Variants in COL25A1 observed in about 807,000 individuals in gnomAD.
COL25A1 encodes collagen alpha-1(XXV) chain.
A neutral mutation model predicts 128.4 loss-of-function variants in COL25A1; 103 were observed. That is an observed-to-expected ratio of 0.80 (90% CI 0.68 to 0.94). The LOEUF (loss-of-function observed/expected upper bound fraction) is 0.94, where lower values mean the gene tolerates loss of function less well. Ranked by LOEUF, COL25A1 falls within the 40% of genes least tolerant of loss-of-function variation. The pLI, the probability that COL25A1 is intolerant of heterozygous loss-of-function variation, is 0.00. For missense variants in COL25A1, 745 were observed against 840.0 expected (o/e 0.89, Z 1.40); for synonymous variants, 279 against 277.2 (o/e 1.01, Z -0.06).
At chr4:108,885,425 G>A (rs1740661980) in intron 18 of COL25A1, among the ~76,000 whole-genome samples, 1 of 151,466 alleles carries the variant, frequency 6.6e-6, no homozygotes, top group Non-Finnish European at 1.5e-5. Flanking sequence ...GAATGCAAAA[G>A]AAAAACGATT....
intron 26 of COL25A1, among the ~76,000 whole-genome samples, chr4:108,849,148 A>AT (rs1408429551): frequency 6.6e-6 from 1 of 152,100 alleles, no homozygotes; most frequent in Non-Finnish European, 1.5e-5. Flanking sequence ...CAGTTAGTTA[A>AT]TTTTTTTCTC....
At position 108,822,043 on chromosome 4, in the gene COL25A1, A is replaced by ATTTTTTTTTTTTTTTTTTTTTTTTT. The variant is rs10567518; in HGVS notation, c.1845+2130_1845+2131insAAAAAAAAAAAAAAAAAAAAAAAAA. Among the ~76,000 whole-genome samples the ATTTTTTTTTTTTTTTTTTTTTTTTT allele has an allele frequency of 4.4e-5, 4 of 89,996 alleles. 2 individuals carry two copies. Among genetic ancestry groups the ATTTTTTTTTTTTTTTTTTTTTTTTT allele is most frequent in the Non-Finnish European group, 8.5e-5 (4 of 46,852 alleles). The allele number at this position is 89,996 out of a possible 152,430, so 59.0% of individuals were successfully genotyped here. A position where few individuals can be genotyped will look rare whatever the true frequency, so the allele number is the denominator to read the frequency against. ...AAACGTGAGTATCCTCCTAATGGTA[A>ATTTTTTTTTTTTTTTTTTTTTTTTT]TTTTTTTTTTTTTTTTTGGGACAGG... On this transcript the variant is annotated intron_variant, in intron 35 of 37. Transcript: ENST00000399132.
intron 6 of COL25A1, among the ~76,000 whole-genome samples, chr4:108,992,237 A>T (rs1424085534): frequency 6.6e-6 from 1 of 152,166 alleles, no homozygotes; most frequent in East Asian, 1.9e-4. Flanking sequence ...TCCAAAAGAG[A>T]GTTATGAGGC....
chr4:109,253,584 A>AT (rs773701024), intron 3 of COL25A1, among the ~76,000 whole-genome samples: 5 of 152,164 alleles, frequency 3.3e-5, no homozygotes, highest in Non-Finnish European at 7.3e-5. Context: ...GTTTAACCAA[A>AT]TATTTGGGTA....
At chr4:109,280,386 G>A (rs1448949064) in intron 3 of COL25A1, among the ~76,000 whole-genome samples, 1 of 152,042 alleles carries the variant, frequency 6.6e-6, no homozygotes, top group African/African-American at 2.4e-5. Flanking sequence ...CCAACTTTAC[G>A]GGAAACATAA....
At chr4:108,903,466 T>G (rs1743096349) in intron 13 of COL25A1, among the ~76,000 whole-genome samples, 1 of 152,036 alleles carries the variant, frequency 6.6e-6, no homozygotes, top group Non-Finnish European at 1.5e-5. Context: ...TCTATCAAAG[T>G]CAGGTGTGAC....
chr4:109,082,054 T>C lies in COL25A1; in HGVS notation c.368-31875A>G, dbSNP rs1016998045. On this transcript the variant is annotated intron_variant, in intron 3 of 37. Transcript: ENST00000399132. ...AGATTTGTCTTTTCTGTACATTTCA[T>C]ATAAATAGAATCATATACTATGTGG... Among the ~76,000 whole-genome samples the C allele has an allele frequency of 3.3e-5, 5 of 152,346 alleles. No homozygotes were observed. In the East Asian group the frequency reaches 7.7e-4, roughly 23 times the overall value.
At chr4:108,983,388 G>C (rs905783300) in intron 6 of COL25A1, among the ~76,000 whole-genome samples, 1 of 152,152 alleles carries the variant, frequency 6.6e-6, no homozygotes, top group African/African-American at 2.4e-5. Context: ...TGTATTCAGA[G>C]ATACGTTCAT....
intron 3 of COL25A1, among the ~76,000 whole-genome samples, chr4:109,251,639 C>A (rs577013107): frequency 6.6e-6 from 1 of 152,282 alleles, no homozygotes; most frequent in East Asian, 1.9e-4. Context: ...ACTTTCATTT[C>A]AATGGAATCA....
In COL25A1 at chr4:109,302,026, G is replaced by T. The variant is rs1318849957; in HGVS notation, c.-7C>A. 1 of 1,573,910 alleles carries T rather than the reference G, an allele frequency of 6.4e-7. No homozygotes were observed. Among genetic ancestry groups the T allele is most frequent in the Non-Finnish European group, 8.6e-7 (1 of 1,164,230 alleles). On this transcript the variant is annotated 5_prime_UTR_variant, in exon 2 of 38. Coordinates refer to ENST00000399132, the MANE Select transcript of COL25A1 (RefSeq NM_198721.4). Reference sequence around the variant, plus strand: ...CGTGCTTCTTCAGCAGCATCGTGGCGGGGTCGGCCGTCTCGGCTTCGCTTC... The same window carrying T: ...CGTGCTTCTTCAGCAGCATCGTGGCTGGGTCGGCCGTCTCGGCTTCGCTTC...
intron 8 of COL25A1, among the ~76,000 whole-genome samples, chr4:108,968,271 G>C (rs1751541716): frequency 6.6e-6 from 1 of 152,096 alleles, no homozygotes; most frequent in South Asian, 2.1e-4. Context: ...ACTTTCTCCT[G>C]CATTAAATCA....
Position 109,194,488 on chromosome 4 carries a change from T to C in COL25A1, c.367+106095A>G, listed in dbSNP as rs574979215. On this transcript the variant is annotated intron_variant, in intron 3 of 37. Transcript: ENST00000399132. ...CTTCCATGCCGAGAACTATTCTAGATCTTGGTACACCCTGATGAATAAAGC... is the reference window on the plus strand; with the variant it reads ...CTTCCATGCCGAGAACTATTCTAGACCTTGGTACACCCTGATGAATAAAGC... 2.3e-3 allele frequency among the ~76,000 whole-genome samples: 344 copies of C among 152,292 alleles called. 1 individual carries two copies. The highest frequency in any genetic ancestry group is 7.6e-3 in the African/African-American group (316 of 41,562).
chr4:109,152,322 C>T (rs1771583128), intron 3 of COL25A1, among the ~76,000 whole-genome samples: 1 of 152,156 alleles, frequency 6.6e-6, no homozygotes, highest in African/African-American at 2.4e-5. Context: ...TTACATTACA[C>T]AAACTCATTA....
chr4:109,227,000 T>C (rs1339946627), intron 3 of COL25A1, among the ~76,000 whole-genome samples: 1 of 152,190 alleles, frequency 6.6e-6, no homozygotes, highest in African/African-American at 2.4e-5. Context: ...CACCCAGCTA[T>C]ATAACTGCAG....
chr4:108,838,731 A>C (rs1734087712), intron 31 of COL25A1, among the ~76,000 whole-genome samples: 1 of 152,212 alleles, frequency 6.6e-6, no homozygotes. Context: ...GGACTAATCA[A>C]CAAATCACCA....
intron 3 of COL25A1, among the ~76,000 whole-genome samples, chr4:109,236,750 C>G (rs534615018): frequency 1.3e-5 from 2 of 151,984 alleles, no homozygotes; most frequent in African/African-American, 4.8e-5. Context: ...ATTTTTGATG[C>G]AATCTTTCTC....
intron 3 of COL25A1, among the ~76,000 whole-genome samples, chr4:109,288,641 TA>T (rs1344531063): frequency 2.0e-5 from 3 of 152,084 alleles, no homozygotes; most frequent in Non-Finnish European, 2.9e-5. Context: ...TCTTTAACAT[TA>T]GTGGAACTAT....
chr4:109,193,388 A>G (rs1446418308), intron 3 of COL25A1, among the ~76,000 whole-genome samples: 1 of 152,212 alleles, frequency 6.6e-6, no homozygotes, highest in East Asian at 1.9e-4. Flanking sequence ...CTTCAGGAAT[A>G]AGCTAAATTT....
At chr4:109,023,471 A>G (rs1002392765) in intron 5 of COL25A1, among the ~76,000 whole-genome samples, 2 of 152,224 alleles carry the variant, frequency 1.3e-5, no homozygotes, top group African/African-American at 4.8e-5. Context: ...AGTGCTTAGG[A>G]AATCACTAGA....
Sources: allele counts gnomAD v4.1 joint callset (sites outside exome capture counted in the v4.1 genomes callset), GRCh38; gene constraint gnomAD v4.1.1; transcripts MANE v1.5; gene names NCBI Gene and HGNC (gene_info 2026-07-23, HGNC 2026-07-21).